Variants in WDPCP observed in about 807,000 individuals in gnomAD.
WDPCP encodes WD repeat containing planar cell polarity effector.
Under a neutral mutation model 93.1 loss-of-function variants are expected in WDPCP, and 71 were observed. That is an observed-to-expected ratio of 0.76 (90% confidence interval 0.63 to 0.93). WDPCP has a LOEUF of 0.93. Among genes scored for constraint, WDPCP ranks in the 40% least tolerant of loss-of-function variants. The pLI is 0.00. For missense variants in WDPCP, 844 were observed against 887.4 expected, an observed-to-expected ratio of 0.95 and a Z score of 0.62; for synonymous variants, 315 against 315.0, an observed-to-expected ratio of 1.00 and a Z score of 0.00.
At chr2:63,570,250 GA>G in intron 1 of WDPCP, among the ~76,000 whole-genome samples, 1 of 152,178 alleles carries the variant, frequency 6.6e-6, no homozygotes, top group East Asian at 1.9e-4. Flanking sequence ...ATTTAACTTG[GA>G]AAAAGGGTTC....
At chr2:63,700,654 T>C (rs1476731233) in intron 2 of WDPCP, among the ~76,000 whole-genome samples, 1 of 152,176 alleles carries the variant, frequency 6.6e-6, no homozygotes, top group African/African-American at 2.4e-5. Flanking sequence ...CCCAGCATGG[T>C]ACTCACATAA....
intron 10 of WDPCP, among the ~76,000 whole-genome samples, chr2:63,399,697 C>G (rs1351607078): frequency 1.3e-5 from 2 of 151,826 alleles, no homozygotes; most frequent in African/African-American, 2.4e-5. Context: ...TGCAAAACAT[C>G]AAACATCCAC....
At chr2:63,187,755 G>T (rs1674745074) in intron 14 of WDPCP, among the ~76,000 whole-genome samples, 2 of 152,148 alleles carry the variant, frequency 1.3e-5, no homozygotes, top group South Asian at 4.1e-4. Flanking sequence ...TTATGCACTA[G>T]AATTACAATA....
intron 2 of WDPCP, chr2:63,752,145 G>T: frequency 3.2e-6 from 2 of 617,800 alleles, no homozygotes; most frequent in South Asian, 1.7e-5. Flanking sequence ...ATTTCTGAAT[G>T]ACAATTTTAT....
chr2:63,628,808 A>G (rs749218478), intron 3 of WDPCP, among the ~76,000 whole-genome samples: 31 of 152,224 alleles, frequency 2.0e-4, no homozygotes, highest in Admixed American at 7.9e-4. Flanking sequence ...TTAGCAACCA[A>G]TTGACCTAAT....
At chr2:63,390,401 A>G (rs12713492) in intron 10 of WDPCP, among the ~76,000 whole-genome samples, 85,516 of 151,948 alleles carry the variant, frequency 0.56, 24,416 homozygotes, top group Admixed American at 0.64. Context: ...ATTTAAAGCA[A>G]TGTGTAGGAG....
chr2:63,137,864 T>C (rs1670740498), intron 17 of WDPCP, among the ~76,000 whole-genome samples: 1 of 152,164 alleles, frequency 6.6e-6, no homozygotes, highest in Non-Finnish European at 1.5e-5. Context: ...CAGATAGTTG[T>C]AGGTGTGCAG....
intron 14 of WDPCP, among the ~76,000 whole-genome samples, chr2:63,187,014 A>C (rs2104169496): frequency 6.6e-6 from 1 of 152,166 alleles, no homozygotes; most frequent in African/African-American, 2.4e-5. Flanking sequence ...CAATTCTGTC[A>C]ATGTTTGCTT....
intron 2 of WDPCP, among the ~76,000 whole-genome samples, chr2:63,785,558 C>T (rs1670454782): frequency 6.6e-6 from 1 of 152,082 alleles, no homozygotes; most frequent in Non-Finnish European, 1.5e-5. Context: ...CCCTAGAGGG[C>T]CATATTTTAG....
At chr2:63,467,442 A>G (rs945908338) in intron 6 of WDPCP, among the ~76,000 whole-genome samples, 3 of 151,664 alleles carry the variant, frequency 2.0e-5, no homozygotes, top group South Asian at 4.2e-4. Context: ...ATTGCACTCC[A>G]TCCTGGGCAA....
chr2:63,243,577 G>C (rs1393247706), intron 14 of WDPCP, among the ~76,000 whole-genome samples: 1 of 152,066 alleles, frequency 6.6e-6, no homozygotes, highest in Non-Finnish European at 1.5e-5. Context: ...ATAGAAAACA[G>C]ACTTTAAACC....
chr2:63,625,469 C>G (rs1709799760), intron 3 of WDPCP, among the ~76,000 whole-genome samples: 1 of 152,218 alleles, frequency 6.6e-6, no homozygotes, highest in African/African-American at 2.4e-5. Flanking sequence ...TGATAAGCAA[C>G]TTCAGCAAAC....
At position 63,772,073 on chromosome 2, in the gene WDPCP, T is replaced by C. The variant is rs151243710; in HGVS notation, n.308+41549A>G. Among the ~76,000 whole-genome samples the C allele has an allele frequency of 6.2e-3, 950 of 152,166 alleles. 16 individuals are homozygous for C. The highest frequency in any genetic ancestry group is 0.021 in the African/African-American group (881 of 41,534). Reference sequence around the variant, plus strand: ...TTTGGGTATATACCCAGTAATGAGATTGCTGGGTCGAATTGCAGTTCTATT... The same window carrying C: ...TTTGGGTATATACCCAGTAATGAGACTGCTGGGTCGAATTGCAGTTCTATT... On this transcript the variant is annotated intron_variant and non_coding_transcript_variant, in intron 2 of 4. Coordinates refer to the WDPCP transcript ENST00000467687.
chr2:63,553,266 C>T lies in WDPCP; in HGVS notation c.75+34931G>A, dbSNP rs139823535. Among the ~76,000 whole-genome samples the T allele has an allele frequency of 6.2e-3, 944 of 152,194 alleles. 13 individuals are homozygous for T. The highest frequency in any genetic ancestry group is 0.022 in the African/African-American group (893 of 41,514). On this transcript the variant is annotated intron_variant, in intron 1 of 17. Transcript: ENST00000272321. ...ATTCCATTTATGAAATATGATACAACATTTTCTTTTATTCTCTTTGAACTA... is the reference window on the plus strand; with the variant it reads ...ATTCCATTTATGAAATATGATACAATATTTTCTTTTATTCTCTTTGAACTA...
rs563531309 is a variant in WDPCP at position 63,588,364 on chromosome 2, A to ACGC, written c.-96_-94dup. 1.1e-3 allele frequency: 1,574 copies of ACGC among 1,437,034 alleles called. 10 individuals are homozygous for ACGC. The highest frequency in any genetic ancestry group is 7.0e-3 in the East Asian group (282 of 40,352). The allele number at this position is 1,437,034 out of a possible 1,614,324, so 89.0% of individuals were successfully genotyped here. On this transcript the variant is annotated 5_prime_UTR_variant, in exon 1 of 18. Transcript: ENST00000272321. ...TCGCTTGGTCTCTTGGGTCTCCAGG[A>ACGC]CGCCGCCGCCGCCGCCACAGTTTCC...
At chr2:63,150,375 TG>T (rs1286808963) in intron 17 of WDPCP, among the ~76,000 whole-genome samples, 1 of 152,132 alleles carries the variant, frequency 6.6e-6, no homozygotes, top group Non-Finnish European at 1.5e-5. Context: ...TGACTGGGGT[TG>T]GGAAACTACT....
chr2:63,185,899 C>T (rs1352500197), intron 14 of WDPCP, among the ~76,000 whole-genome samples: 3 of 151,918 alleles, frequency 2.0e-5, no homozygotes, highest in East Asian at 1.9e-4. Context: ...CCTGCACTTT[C>T]GCTGCTCCCA....
intron 12 of WDPCP, among the ~76,000 whole-genome samples, chr2:63,334,116 C>G (rs1688180708): frequency 6.6e-6 from 1 of 152,164 alleles, no homozygotes; most frequent in African/African-American, 2.4e-5. Flanking sequence ...TTTACAATTG[C>G]CGGCTTAACA....
chr2:63,332,159 T>A (rs954949078), intron 12 of WDPCP, among the ~76,000 whole-genome samples: 1 of 151,288 alleles, frequency 6.6e-6, no homozygotes. Flanking sequence ...ATTCTAATAA[T>A]ATTCTAATAA....
Sources: gnomAD v4.1 joint callset for allele counts (sites outside exome capture counted in the v4.1 genomes callset) on GRCh38, gnomAD v4.1.1 for gene constraint, MANE v1.5 for transcripts, NCBI Gene and HGNC (gene_info 2026-07-23, HGNC 2026-07-21) for gene names.